ARMC2: variants seen among roughly 807,000 people sequenced by gnomAD.
ARMC2 encodes armadillo repeat containing 2, also known as armadillo repeat-containing protein 2.
A neutral mutation model predicts 90.3 loss-of-function variants in ARMC2; 67 were observed. The ratio of observed to expected loss-of-function variants is 0.74; its 90% CI spans 0.61 to 0.91. The LOEUF is 0.91. Ranked by LOEUF, ARMC2 falls within the 40% of genes least tolerant of loss-of-function variation. ARMC2 has a pLI of 0.00. For synonymous variants in ARMC2, 393 were observed against 393.0 expected (o/e 1.00, Z 0.00); for missense variants, 920 against 1,030.9 (o/e 0.89, Z 1.47).
At chr6:109,001,340 A>G in the ARMC2 span, 1 of 1,613,898 alleles carries the variant, frequency 6.2e-7, no homozygotes, top group Non-Finnish European at 8.5e-7. Context: ...ATCCATTTGC[A>G]GTAGATAGTG....
chr6:108,910,715 T>C (rs925477006), intron 8 of ARMC2, among the ~76,000 whole-genome samples, 184 bp from the exon 9 acceptor site: 2 of 152,244 alleles, frequency 1.3e-5, no homozygotes, highest in Non-Finnish European at 2.9e-5. Context: ...TTTACTCTAA[T>C]TGAGTTAATT....
At chr6:108,917,929 C>A (rs1214161228) in intron 10 of ARMC2, among the ~76,000 whole-genome samples, 1 of 152,170 alleles carries the variant, frequency 6.6e-6, no homozygotes, top group Non-Finnish European at 1.5e-5. Flanking sequence ...GATCCACCCA[C>A]CTCAGCCTCC....
At chr6:108,995,467 G>A in the ARMC2 span, among the ~76,000 whole-genome samples, 1 of 152,192 alleles carries the variant, frequency 6.6e-6, no homozygotes, top group Non-Finnish European at 1.5e-5. Flanking sequence ...GGGATGACTA[G>A]AGCAGTGTCA....
At position 108,863,924 on chromosome 6, in the gene ARMC2, C is replaced by T. The variant is rs142117643; in HGVS notation, c.292-4900C>T. Among the ~76,000 whole-genome samples, 491 of 152,350 alleles carry T rather than the reference C, an allele frequency of 3.2e-3. 1 individual carries two copies. Among genetic ancestry groups the T allele is most frequent in the African/African-American group, 0.012 (482 of 41,576 alleles). The stretch of plus-strand genomic sequence containing the variant: ...CTCTGGGCAACTACCAGCCCCACTT[C>T]TAACAGCGTGGATTAGTTTGAGCCA... On this transcript the variant is annotated intron_variant, in intron 3 of 17. Coordinates refer to ENST00000392644, the MANE Select transcript of ARMC2 (RefSeq NM_032131.6).
chr6:108,893,569 AC>A (rs1771307364), intron 5 of ARMC2, among the ~76,000 whole-genome samples: 1 of 152,096 alleles, frequency 6.6e-6, no homozygotes, highest in African/African-American at 2.4e-5. Flanking sequence ...TGTAACAGTG[AC>A]CCCTTGTGGT....
intron 4 of ARMC2, among the ~76,000 whole-genome samples, chr6:108,873,969 A>G (rs770516631): frequency 6.6e-6 from 1 of 152,210 alleles, no homozygotes; most frequent in Non-Finnish European, 1.5e-5. Context: ...CCAAGAGCCT[A>G]TTACAGGGTG....
the ARMC2 span, among the ~76,000 whole-genome samples, chr6:109,030,464 A>G: frequency 6.6e-6 from 1 of 152,226 alleles, no homozygotes; most frequent in Non-Finnish European, 1.5e-5. Flanking sequence ...ATGTATCAAT[A>G]GATGAGGCAC....
intron 12 of ARMC2, among the ~76,000 whole-genome samples, chr6:108,947,992 G>A (rs1194103248): frequency 6.6e-6 from 1 of 152,236 alleles, no homozygotes; most frequent in Non-Finnish European, 1.5e-5. Context: ...GAATAAAGGA[G>A]AGAATGTGTG....
chr6:109,000,905 A>G, the ARMC2 span, among the ~76,000 whole-genome samples: 1 of 152,180 alleles, frequency 6.6e-6, no homozygotes, highest in Admixed American at 6.5e-5. Context: ...TGAACTTTAG[A>G]CATTTTATCT....
intron 8 of ARMC2, among the ~76,000 whole-genome samples, chr6:108,906,526 G>T (rs1159961318): frequency 6.6e-6 from 1 of 151,580 alleles, no homozygotes; most frequent in Non-Finnish European, 1.5e-5. Flanking sequence ...TGTCACCCAG[G>T]GCTGGAGTAC....
the ARMC2 span, among the ~76,000 whole-genome samples, chr6:108,993,906 C>G: frequency 1.9e-3 from 288 of 151,964 alleles, no homozygotes; most frequent in African/African-American, 6.7e-3. Context: ...ACTCTAGAAG[C>G]AATCTTGGGA....
the ARMC2 span, among the ~76,000 whole-genome samples, chr6:109,005,214 T>C: frequency 9.8e-5 from 15 of 152,302 alleles, no homozygotes; most frequent in East Asian, 5.8e-4. Flanking sequence ...AGCATGACCA[T>C]ATAATAGAGT....
chr6:108,884,838 C>T (rs1777924386), intron 5 of ARMC2, among the ~76,000 whole-genome samples: 2 of 152,152 alleles, frequency 1.3e-5, no homozygotes, highest in South Asian at 2.1e-4. Context: ...CATTGGGAAG[C>T]TGTTGTAGCA....
the ARMC2 span, chr6:108,998,851 A>G: frequency 7.3e-7 from 1 of 1,379,268 alleles, no homozygotes; most frequent in Admixed American, 2.4e-5. Flanking sequence ...AACATGAGTC[A>G]TCATACAAAG....
chr6:108,857,647 T>G (rs1774786259), intron 2 of ARMC2, among the ~76,000 whole-genome samples: 1 of 152,240 alleles, frequency 6.6e-6, no homozygotes, highest in African/African-American at 2.4e-5. Flanking sequence ...CTTGTAGATA[T>G]TCTTAGAAGT....
intron 11 of ARMC2, among the ~76,000 whole-genome samples, chr6:108,930,783 G>A (rs1775486593): frequency 1.3e-5 from 2 of 151,658 alleles, no homozygotes; most frequent in Non-Finnish European, 2.9e-5. Context: ...TTTTAGTAGA[G>A]ACGGGGTTTC....
intron 6 of ARMC2, among the ~76,000 whole-genome samples, chr6:108,895,463 G>A (rs1232118027): frequency 2.5e-5 from 3 of 119,870 alleles, no homozygotes; most frequent in East Asian, 4.9e-4. Flanking sequence ...CAGCCTGGGC[G>A]ACAGAGCGAG....
At chr6:108,942,869 C>G (rs964463076) in intron 12 of ARMC2, among the ~76,000 whole-genome samples, 2 of 151,944 alleles carry the variant, frequency 1.3e-5, no homozygotes, top group African/African-American at 2.4e-5. Context: ...TATGGCTAAT[C>G]GCGTTTTCAA....
the ARMC2 span, chr6:108,992,804 G>C: frequency 8.2e-5 from 132 of 1,610,696 alleles, no homozygotes; most frequent in Non-Finnish European, 1.1e-4. Flanking sequence ...CGAAATGTTG[G>C]AACATGCATC....
Sources: allele counts gnomAD v4.1 joint callset (sites outside exome capture counted in the v4.1 genomes callset), GRCh38; gene constraint gnomAD v4.1.1; transcripts MANE v1.5; gene names NCBI Gene and HGNC (gene_info 2026-07-23, HGNC 2026-07-21).